FCRL3: variants seen among roughly 807,000 people sequenced by gnomAD.
FCRL3 encodes Fc receptor like 3.
Under a neutral mutation model 75.0 loss-of-function variants are expected in FCRL3, and 89 were observed. That is an observed-to-expected ratio of 1.19 (90% CI 1.00 to 1.42). FCRL3 has a LOEUF of 1.42. Among genes scored for constraint, FCRL3 ranks in the 40% most tolerant of loss-of-function variants. The pLI is 0.00. For missense variants in FCRL3, 946 were observed against 880.0 expected (o/e 1.07, Z -0.95); for synonymous variants, 376 against 348.5 (o/e 1.08, Z -0.88).
Position 157,700,585 on chromosome 1 carries a change from C to A in FCRL3, c.-96G>T. 11 of 1,602,740 alleles carry A rather than the reference C, an allele frequency of 6.9e-6. No individual in the cohort carries two copies. In the South Asian group the frequency reaches 1.2e-4, roughly 18 times the overall value. On this transcript the variant is annotated splice_region_variant and 5_prime_UTR_variant, in exon 2 of 15. Transcript: ENST00000368184. Reference sequence around the variant, plus strand: ...GCAGGAAGCTGCTACTCAGATGAGACCTGCAAGAATCAGAAAAGGGAAGAA... The same window carrying A: ...GCAGGAAGCTGCTACTCAGATGAGAACTGCAAGAATCAGAAAAGGGAAGAA...
intron 7 of FCRL3, 76 bp downstream of exon 7, chr1:157,695,964 G>T: frequency 9.0e-7 from 1 of 1,107,478 alleles, no homozygotes. Flanking sequence ...GCCTCTTTTA[G>T]GAGACCTTAG....
chr1:157,688,300 A>C (rs1655301775), intron 10 of FCRL3, among the ~76,000 whole-genome samples: 1 of 152,140 alleles, frequency 6.6e-6, no homozygotes, highest in Non-Finnish European at 1.5e-5. Flanking sequence ...ATATTAGACA[A>C]AGACTGTTTC....
chr1:157,695,721 C>A (rs1655843511), intron 7 of FCRL3, 114 bp from the exon 8 acceptor site: 3 of 1,213,162 alleles, frequency 2.5e-6, no homozygotes, highest in East Asian at 2.5e-5. Context: ...TTCTGTTTCC[C>A]CACTGATCAC....
At chr1:157,697,588 C>T in intron 5 of FCRL3, 71 bp downstream of exon 5, 1 of 1,528,908 alleles carries the variant, frequency 6.5e-7, no homozygotes, top group Non-Finnish European at 8.8e-7. Flanking sequence ...GAAATTCCCA[C>T]TGATAAACAT....
chr1:157,697,261 C>A lies in FCRL3; in HGVS notation c.723G>T (p.Arg241Ser), dbSNP rs1225518781. The A allele has an allele frequency of 8.7e-6, 14 of 1,610,854 alleles. No homozygotes were observed. Among genetic ancestry groups the A allele is most frequent in the Non-Finnish European group, 1.1e-5 (13 of 1,178,134 alleles). Residue 241 changes from arginine (R) to serine (S), a missense_variant, in exon 6 of 15, where the codon AGG becomes AGT. Transcript: ENST00000368184. ...DSQTLGLGWS[R>S]SPRLQIPAMW... The stretch of plus-strand genomic sequence containing the variant: ...TGGCAGGGATCTGGAGTCTGGGGGA[C>A]CTGCTCCAGCCCAATCCGAGGGTCT...
chr1:157,698,706 C>T, intron 3 of FCRL3, 77 bp from the exon 4 acceptor site: 2 of 1,484,336 alleles, frequency 1.3e-6, no homozygotes, highest in South Asian at 2.4e-5. Context: ...GCCCAACCTA[C>T]AGTCAGGAGT....
intron 10 of FCRL3, 73 bp downstream of exon 10, chr1:157,689,725 G>T: frequency 1.3e-6 from 2 of 1,594,520 alleles, no homozygotes; most frequent in East Asian, 2.3e-5. Flanking sequence ...GACCTTTATA[G>T]GGTGCACCAG....
chr1:157,698,326 G>A (rs1389060167), intron 4 of FCRL3, 58 bp downstream of exon 4: 19 of 1,600,256 alleles, frequency 1.2e-5, no homozygotes, highest in South Asian at 7.8e-5. Flanking sequence ...GCATTAACCC[G>A]GCCCTCAGGC....
At chr1:157,693,166 T>C (rs1301131773) in intron 8 of FCRL3, among the ~76,000 whole-genome samples, 1 of 147,638 alleles carries the variant, frequency 6.8e-6, no homozygotes, top group East Asian at 2.0e-4. Flanking sequence ...TCCTAGCTAC[T>C]GGAGAGGCTG....
At chr1:157,695,951 C>A in intron 7 of FCRL3, 89 bp downstream of exon 7, 2 of 299,262 alleles carry the variant, frequency 6.7e-6, no homozygotes, top group Non-Finnish European at 5.9e-6. Flanking sequence ...CCTCCCTCCC[C>A]GTGCCTCTTT....
intron 7 of FCRL3, 155 bp downstream of exon 7, chr1:157,695,885 A>T: frequency 9.5e-6 from 4 of 420,260 alleles, no homozygotes; most frequent in Non-Finnish European, 1.3e-5. Flanking sequence ...GCTTTTAAAT[A>T]TCTCTCTCTC....
Position 157,696,238 on chromosome 1 carries a change from C to A in FCRL3, c.934G>T (p.Ala312Ser). The A allele has an allele frequency of 6.2e-7, 1 of 1,614,046 alleles. No individual in the cohort carries two copies. Among genetic ancestry groups the A allele is most frequent in the African/African-American group, 1.3e-5 (1 of 74,982 alleles). Residue 312 changes from alanine to serine, a missense_variant, in exon 7 of 15, where the codon GCC becomes TCC. Physicochemically the swap from Ala to Ser is moderately conservative, Grantham distance 99. Coordinates refer to ENST00000368184, the MANE Select transcript of FCRL3 (RefSeq NM_052939.4). ...AATGTGACAGTCCCTGAACCCTGGG[C>A]TACTGAGCAAATAAGGACCATATTT... ...GENMVLICSV[A>S]QGSGTVTFSW... is the part of the protein sequence containing the mutation.
rs1253464774 is a variant in FCRL3, at chr1:157,697,354, G to A, written c.630C>T (p.Thr210=). Residue 210 remains threonine, a synonymous_variant, in exon 6 of 15, where the codon ACC becomes ACT. Coordinates refer to ENST00000368184, the MANE Select transcript of FCRL3 (RefSeq NM_052939.4). ...TCTGTGGAGAGAGCTGGGTCTCACA[G>A]GTCAGGGTCATGGGACTCCCCTCTA... ...TPIEGSPMTL[T]CETQLSPQRP... 6.2e-7 allele frequency: 1 copy of A among 1,604,842 alleles called. No individual in the cohort carries two copies. Among genetic ancestry groups the A allele is most frequent in the East Asian group, 2.2e-5 (1 of 44,814 alleles).
In FCRL3 at chr1:157,697,749, C is replaced by A; in HGVS notation, c.469G>T (p.Asp157Tyr). Residue 157 changes from aspartate to tyrosine, a missense_variant, in exon 5 of 15, where the codon GAT becomes TAT. By Grantham distance (160) the Asp-to-Tyr change is radical. Coordinates refer to ENST00000368184, the MANE Select transcript of FCRL3 (RefSeq NM_052939.4). Reference sequence around the variant, plus strand: ...GCAGTACAATGATATTTGCTATTATCCCTGGAGACTGAATTCACTGTGATC... The same window carrying A: ...GCAGTACAATGATATTTGCTATTATACCTGGAGACTGAATTCACTGTGATC... ...EKITVNSVSR[D>Y]NSKYHCTAYR... The A allele has an allele frequency of 1.2e-6, 2 of 1,614,026 alleles. No individual in the cohort carries two copies. The highest frequency in any genetic ancestry group is 1.3e-5 in the African/African-American group (1 of 75,042).
intron 10 of FCRL3, among the ~76,000 whole-genome samples, chr1:157,688,499 C>T (rs1410836059): frequency 1.3e-5 from 2 of 151,780 alleles, no homozygotes; most frequent in Admixed American, 6.6e-5. Context: ...GATTTTAATT[C>T]CCCTATCTCA....
Position 157,700,441 on chromosome 1 carries a change from T to C in FCRL3, c.31+18A>G. On this transcript the variant is annotated intron_variant, in intron 2 of 14. Transcript: ENST00000368184. ...TTAGGAACTGAGGCCGTGGCCCCAT[T>C]ATAGCCCATCTACTCACTCAGGATC... is the stretch of plus-strand genomic sequence containing the variant. 1 of 1,613,876 alleles carries C rather than the reference T, an allele frequency of 6.2e-7. No homozygotes were observed. Among genetic ancestry groups the C allele is most frequent in the Non-Finnish European group, 8.5e-7 (1 of 1,179,914 alleles).
At chr1:157,690,668 T>TATTAG in intron 8 of FCRL3, 135 bp from the exon 9 acceptor site, 1 of 1,088,748 alleles carries the variant, frequency 9.2e-7, no homozygotes, top group Non-Finnish European at 1.3e-6. Flanking sequence ...TTCAATCCTG[T>TATTAG]CTCTATCCTT....
In FCRL3 at chr1:157,677,887, G is replaced by A; in HGVS notation, c.*823C>T. 1.1e-6 allele frequency: 1 copy of A among 880,444 alleles called. No individual in the cohort carries two copies. Among genetic ancestry groups the A allele is most frequent in the Non-Finnish European group, 1.4e-6 (1 of 734,688 alleles). The allele number at this position is 880,444 out of a possible 1,614,324, so 54.5% of individuals were successfully genotyped here. On this transcript the variant is annotated 3_prime_UTR_variant, in exon 15 of 15. Transcript: ENST00000368184. ...AGAATGGTTTTTTATCAGATGGAGT[G>A]AGGTAGAGGAAGAGAATGGGAGAAG...
Position 157,678,467 on chromosome 1 carries a change from T to C in FCRL3, c.*243A>G. On this transcript the variant is annotated 3_prime_UTR_variant, in exon 15 of 15. Coordinates refer to ENST00000368184, the MANE Select transcript of FCRL3 (RefSeq NM_052939.4). ...CAGCCCTAGGAGCTGAGGGCCCTCCTGCCTTGCCACGTGTCTCCACTGTGA... is the reference window on the plus strand; with the variant it reads ...CAGCCCTAGGAGCTGAGGGCCCTCCCGCCTTGCCACGTGTCTCCACTGTGA... 7.3e-7 allele frequency: 1 copy of C among 1,364,350 alleles called. No homozygotes were observed. 84.5% of individuals were successfully genotyped at this position (1,364,350 alleles called of 1,614,324 possible).
Sources: gnomAD v4.1 joint callset for allele counts (sites outside exome capture counted in the v4.1 genomes callset) on GRCh38, gnomAD v4.1.1 for gene constraint, MANE v1.5 for transcripts, NCBI Gene and HGNC (gene_info 2026-07-23, HGNC 2026-07-21) for gene names.